RELN: variants seen among roughly 807,000 people sequenced by gnomAD.
RELN encodes reelin.
In RELN, 108 loss-of-function variants were observed where a neutral mutation model predicts 427.6. The observed-to-expected ratio is 0.25, with a 90% CI of 0.22 to 0.30. RELN has a LOEUF of 0.30. Among genes scored for constraint, RELN ranks in the 10% least tolerant of loss-of-function variants. The pLI is 1.00. For missense variants in RELN, 3,715 were observed against 4,302.8 expected, an observed-to-expected ratio of 0.86 and a Z score of 3.82; for synonymous variants, 1,524 against 1,513.4, an observed-to-expected ratio of 1.01 and a Z score of -0.16.
chr7:103,926,365 AT>A (rs1194988730), intron 1 of RELN, among the ~76,000 whole-genome samples: 3 of 152,092 alleles, frequency 2.0e-5, no homozygotes, highest in Admixed American at 6.6e-5. Flanking sequence ...AAGTGCTACG[AT>A]TACAGGCGTG....
At chr7:103,818,524 A>G (rs1382022085) in intron 3 of RELN, among the ~76,000 whole-genome samples, 1 of 152,170 alleles carries the variant, frequency 6.6e-6, no homozygotes, top group Non-Finnish European at 1.5e-5. Flanking sequence ...CCTTGATACA[A>G]AAATCATATA....
At chr7:103,833,419 T>A in intron 3 of RELN, 118 bp downstream of exon 3, 1 of 1,039,512 alleles carries the variant, frequency 9.6e-7, no homozygotes, top group Non-Finnish European at 1.5e-6. Context: ...AATTAGTGAT[T>A]TTAATTAGGG....
At chr7:103,625,143 G>C (rs1487594655) in intron 20 of RELN, among the ~76,000 whole-genome samples, 1 of 152,118 alleles carries the variant, frequency 6.6e-6, no homozygotes, top group African/African-American at 2.4e-5. Flanking sequence ...ATTACATTAT[G>C]AGATAAACAG....
chr7:103,548,943 C>A (rs894308215), intron 41 of RELN, among the ~76,000 whole-genome samples: 2 of 152,142 alleles, frequency 1.3e-5, no homozygotes, highest in African/African-American at 4.8e-5. Context: ...CAAGTGGGAA[C>A]TTGCTGAAGC....
intron 1 of RELN, among the ~76,000 whole-genome samples, chr7:103,948,735 C>T (rs1449044416): frequency 6.6e-6 from 1 of 151,990 alleles, no homozygotes; most frequent in African/African-American, 2.4e-5. Context: ...CAATTCAAGC[C>T]ACGCAACACG....
intron 11 of RELN, among the ~76,000 whole-genome samples, chr7:103,661,841 CTTATAG>C (rs1395422652): frequency 4.6e-5 from 7 of 151,962 alleles, no homozygotes; most frequent in Admixed American, 3.3e-4. Context: ...TCTTTAAGTA[CTTATAG>C]TTGAGTTGGG....
At chr7:103,744,332 C>G (rs889059597) in intron 6 of RELN, among the ~76,000 whole-genome samples, 1 of 151,418 alleles carries the variant, frequency 6.6e-6, no homozygotes, top group Non-Finnish European at 1.5e-5. Context: ...AAATTGACAC[C>G]CTAACATCAC....
intron 1 of RELN, among the ~76,000 whole-genome samples, chr7:103,934,857 C>T (rs770314612): frequency 6.6e-6 from 1 of 152,166 alleles, no homozygotes. Context: ...CTCATCTGCT[C>T]TAGGTGAGAA....
rs1237296765 is a variant in RELN at position 103,646,969 on chromosome 7, T to C, written c.2002+3305A>G. Among the ~76,000 whole-genome samples, 3 of 151,410 alleles carry C rather than the reference T, an allele frequency of 2.0e-5. No homozygotes were observed. In the East Asian group the frequency reaches 5.8e-4, roughly 29 times the overall value. On this transcript the variant is annotated intron_variant, in intron 16 of 64. Coordinates refer to ENST00000428762, the MANE Select transcript of RELN (RefSeq NM_005045.4). ...AGGATGGCTCAACCTATGCAAATCA[T>C]CTTAATAGATGCAGAAAAGCATTTG...
At chr7:103,686,835 G>A (rs915125356) in intron 10 of RELN, among the ~76,000 whole-genome samples, 1 of 152,102 alleles carries the variant, frequency 6.6e-6, no homozygotes. Context: ...AAAATAGAAA[G>A]AGAACGATTT....
intron 8 of RELN, among the ~76,000 whole-genome samples, chr7:103,708,527 G>T (rs906194101): frequency 7.1e-6 from 1 of 139,974 alleles, no homozygotes; most frequent in Non-Finnish European, 1.5e-5. Flanking sequence ...GCAGTGGCGC[G>T]ATCTCGGCTC....
At chr7:103,571,477 T>TATAGTATGATGGTTATGGC (rs751386594) in intron 31 of RELN, among the ~76,000 whole-genome samples, 33 of 152,262 alleles carry the variant, frequency 2.2e-4, no homozygotes, top group Non-Finnish European at 3.7e-4. Flanking sequence ...AGAGAAGCAG[T>TATAGTATGATGGTTATGGC]ATAGTATGAT....
chr7:103,586,226 GGT>G (rs1157970926), intron 28 of RELN, among the ~76,000 whole-genome samples: 4 of 152,084 alleles, frequency 2.6e-5, no homozygotes, highest in Non-Finnish European at 5.9e-5. Context: ...AGCCGGGCAT[GGT>G]GATGCTTGCC....
At chr7:103,543,482 C>T (rs1299076565) in intron 42 of RELN, among the ~76,000 whole-genome samples, 1 of 151,980 alleles carries the variant, frequency 6.6e-6, no homozygotes, top group Non-Finnish European at 1.5e-5. Context: ...CCTGTCTCTA[C>T]TAAAAATACA....
In RELN at chr7:103,500,881, T is replaced by G; in HGVS notation, c.8531A>C (p.Gln2844Pro). The part of the protein sequence containing the change: ...FRFYQKYSDM[Q>P]WAIDNFYLGP... Reference sequence around the variant, plus strand: ...CAGGTAGAAATTATCGATTGCCCACTGCATGTCTGAGTACTTCTGATAGAA... The same window carrying G: ...CAGGTAGAAATTATCGATTGCCCACGGCATGTCTGAGTACTTCTGATAGAA... The change falls in exon 53 of 65, where the codon CAG becomes CCG. Residue 2844 changes from glutamine (Q) to proline (P), a missense_variant. Gln to Pro is a moderately conservative substitution (Grantham distance 76). Around this residue, in one of 4 missense-constraint regions of RELN, gnomAD observed 1,310 missense variants for 1,643.0 expected, o/e 0.80. Coordinates refer to ENST00000428762, the MANE Select transcript of RELN (RefSeq NM_005045.4). 1 of 1,614,106 alleles carries G rather than the reference T, an allele frequency of 6.2e-7. No individual in the cohort carries two copies. Among genetic ancestry groups the G allele is most frequent in the Non-Finnish European group, 8.5e-7 (1 of 1,179,974 alleles).
At chr7:103,795,038 A>T (rs938005197) in intron 3 of RELN, among the ~76,000 whole-genome samples, 1 of 152,200 alleles carries the variant, frequency 6.6e-6, no homozygotes, top group Non-Finnish European at 1.5e-5. Context: ...TTAATTTTCT[A>T]TAATATCCCC....
At chr7:103,551,663 C>G (rs536986250) in intron 40 of RELN, among the ~76,000 whole-genome samples, 8 of 152,168 alleles carry the variant, frequency 5.3e-5, no homozygotes, top group Non-Finnish European at 7.4e-5. Flanking sequence ...GCTTCCCCCC[C>G]ATCTAGGTAG....
chr7:103,663,662 G>A (rs1332025687), intron 11 of RELN, among the ~76,000 whole-genome samples: 1 of 152,134 alleles, frequency 6.6e-6, no homozygotes, highest in Non-Finnish European at 1.5e-5. Flanking sequence ...GCCAGGCTTA[G>A]GCTTTGGTAC....
intron 11 of RELN, among the ~76,000 whole-genome samples, chr7:103,670,945 C>A (rs572739185): frequency 1.3e-4 from 20 of 152,040 alleles, no homozygotes; most frequent in African/African-American, 4.6e-4. Flanking sequence ...GAACTAAGAT[C>A]CAGAATAAAG....
Sources: allele counts gnomAD v4.1 joint callset (sites outside exome capture counted in the v4.1 genomes callset), GRCh38; gene constraint gnomAD v4.1.1; regional missense constraint gnomAD v4.1.1; transcripts MANE v1.5; gene names NCBI Gene and HGNC (gene_info 2026-07-23, HGNC 2026-07-21).